Variants in SPON1 observed in about 807,000 individuals in gnomAD.
The protein encoded by SPON1 is spondin 1.
SPON1 carries 52 observed loss-of-function variants against 111.7 expected under a neutral mutation model. The observed-to-expected ratio is 0.47, with a 90% CI of 0.37 to 0.59. SPON1 has a LOEUF of 0.59. SPON1 is among the 20% of genes least tolerant of loss of function. The pLI, the probability that SPON1 is intolerant of heterozygous loss-of-function variation, is 0.00. For synonymous variants in SPON1, 410 were observed against 395.8 expected, an observed-to-expected ratio of 1.04 and a Z score of -0.43; for missense variants, 957 against 1,068.5, an observed-to-expected ratio of 0.90 and a Z score of 1.46.
chr11:14,258,655 C>T (rs563471565), intron 11 of SPON1, among the ~76,000 whole-genome samples: 3 of 152,376 alleles, frequency 2.0e-5, no homozygotes, highest in South Asian at 4.1e-4. Flanking sequence ...TTATCCCATG[C>T]AGGTCATTAA....
rs1848956748 is a variant in SPON1, at chr11:14,243,778, T to A, written c.890+382T>A. On this transcript the variant is annotated intron_variant, in intron 7 of 15. Transcript: ENST00000576479. ...GATGTGTGGAAAGCCAGATTTACCC[T>A]GGGTTCCATTCTCAGTCCCGTTTCT... 1.3e-5 allele frequency among the ~76,000 whole-genome samples: 2 copies of A among 152,204 alleles called. 1 individual carries two copies. The highest frequency in any genetic ancestry group is 4.1e-4 in the South Asian group (2 of 4,830).
intron 1 of SPON1, among the ~76,000 whole-genome samples, chr11:13,977,820 G>C (rs1211899055): frequency 6.6e-6 from 1 of 152,056 alleles, no homozygotes; most frequent in Non-Finnish European, 1.5e-5. Context: ...ACATTTAGCT[G>C]TACAATCTAT....
At chr11:14,085,102 C>CGCTGTGATGCTAGTTTCTTTT (rs1322430471) in intron 5 of SPON1, among the ~76,000 whole-genome samples, 3 of 152,052 alleles carry the variant, frequency 2.0e-5, no homozygotes, top group African/African-American at 7.2e-5. Context: ...GTTGCCTGTT[C>CGCTGTGATGCTAGTTTCTTTT]GCTGTGATGC....
chr11:14,258,006 AG>A, intron 11 of SPON1, 108 bp downstream of exon 11: 7 of 1,082,238 alleles, frequency 6.5e-6, no homozygotes, highest in Non-Finnish European at 8.9e-6. Context: ...CCCTGACAGT[AG>A]ATGTCAGTGG....
intron 3 of SPON1, among the ~76,000 whole-genome samples, chr11:14,052,497 C>G (rs575284639): frequency 9.8e-5 from 15 of 152,288 alleles, no homozygotes; most frequent in African/African-American, 3.1e-4. Context: ...TTCAGGCAGC[C>G]TAGAACCTCA....
intron 5 of SPON1, among the ~76,000 whole-genome samples, chr11:14,085,469 G>A (rs1273696961): frequency 2.0e-5 from 3 of 152,010 alleles, no homozygotes; most frequent in Non-Finnish European, 4.4e-5. Flanking sequence ...GATGTGTGGT[G>A]TTATTTCTGA....
chr11:14,086,092 C>CA (rs1256291207), intron 5 of SPON1, among the ~76,000 whole-genome samples: 1 of 152,120 alleles, frequency 6.6e-6, no homozygotes, highest in Non-Finnish European at 1.5e-5. Flanking sequence ...CATCTGCAAA[C>CA]AGAGACAATT....
intron 1 of SPON1, among the ~76,000 whole-genome samples, chr11:13,971,950 A>G (rs1022733151): frequency 2.0e-5 from 3 of 152,166 alleles, no homozygotes; most frequent in East Asian, 3.9e-4. Context: ...AAGTCTGCCT[A>G]CCATGTAACT....
In SPON1 at chr11:14,267,712, A is replaced by C. The variant is rs1313709158; in HGVS notation, c.*2025A>C. 5 of 152,226 alleles carry C rather than the reference A, an allele frequency of 3.3e-5. No homozygotes were observed. The highest frequency in any genetic ancestry group is 7.2e-5 in the African/African-American group (3 of 41,454). 9.4% of individuals were successfully genotyped at this position (152,226 alleles called of 1,614,324 possible). ...TTGTTTGCAATGGGGAATTTATAAGAAGCATCAAGTCTCTTTCTTACCAAA... is the reference window on the plus strand; with the variant it reads ...TTGTTTGCAATGGGGAATTTATAAGCAGCATCAAGTCTCTTTCTTACCAAA... On this transcript the variant is annotated 3_prime_UTR_variant, in exon 16 of 16. Transcript: ENST00000576479.
chr11:14,019,636 A>G (rs1369476614), intron 2 of SPON1, among the ~76,000 whole-genome samples: 1 of 152,124 alleles, frequency 6.6e-6, no homozygotes, highest in Non-Finnish European at 1.5e-5. Flanking sequence ...GGCTTTTATC[A>G]TGGGTTCTTT....
At chr11:14,060,994 G>A (rs566446712) in intron 3 of SPON1, among the ~76,000 whole-genome samples, 40 of 151,926 alleles carry the variant, frequency 2.6e-4, no homozygotes, top group Non-Finnish European at 3.4e-4. Flanking sequence ...AGTGACACAA[G>A]GTTTAAAGGA....
intron 1 of SPON1, among the ~76,000 whole-genome samples, chr11:13,972,857 A>G (rs1368648541): frequency 2.0e-5 from 3 of 152,196 alleles, no homozygotes; most frequent in East Asian, 1.9e-4. Context: ...AAGGGAATGC[A>G]CTGATTCCCA....
At chr11:14,144,568 T>G (rs560498164) in intron 6 of SPON1, among the ~76,000 whole-genome samples, 5 of 151,702 alleles carry the variant, frequency 3.3e-5, no homozygotes, top group African/African-American at 1.2e-4. Flanking sequence ...AGGCAGAGGT[T>G]GCAGTGAGCT....
chr11:13,972,762 A>G (rs1391032764), intron 1 of SPON1, among the ~76,000 whole-genome samples: 2 of 152,156 alleles, frequency 1.3e-5, no homozygotes, highest in African/African-American at 4.8e-5. Flanking sequence ...GTTTAGGCAG[A>G]GTGTTTTCTT....
At chr11:13,971,879 C>T (rs1170542813) in intron 1 of SPON1, among the ~76,000 whole-genome samples, 3 of 152,148 alleles carry the variant, frequency 2.0e-5, no homozygotes, top group African/African-American at 7.2e-5. Context: ...CTTAGGTGGC[C>T]ACAATCACAG....
chr11:14,257,681 G>C, intron 10 of SPON1, 35 bp from the exon 11 acceptor site: 1 of 1,560,872 alleles, frequency 6.4e-7, no homozygotes, highest in Non-Finnish European at 8.7e-7. Flanking sequence ...GCTCCCATAG[G>C]TTCCCAGGGA....
chr11:14,127,327 A>T (rs1316013293), intron 5 of SPON1, among the ~76,000 whole-genome samples: 5 of 146,326 alleles, frequency 3.4e-5, no homozygotes, highest in African/African-American at 7.5e-5. Flanking sequence ...ACCCAGTTTT[A>T]ACTACTTTAC....
chr11:14,187,538 G>A (rs1353188771), intron 6 of SPON1, among the ~76,000 whole-genome samples: 1 of 152,062 alleles, frequency 6.6e-6, no homozygotes, highest in African/African-American at 2.4e-5. Context: ...CAAATCCTTG[G>A]GTAGCAAGGA....
intron 2 of SPON1, among the ~76,000 whole-genome samples, chr11:14,006,616 T>C (rs566198368): frequency 6.6e-6 from 1 of 152,210 alleles, no homozygotes; most frequent in East Asian, 1.9e-4. Flanking sequence ...CCCTCTGCTG[T>C]CTCCTCATCC....
Sources: allele counts gnomAD v4.1 joint callset (sites outside exome capture counted in the v4.1 genomes callset), GRCh38; gene constraint gnomAD v4.1.1; transcripts MANE v1.5; gene names NCBI Gene and HGNC (gene_info 2026-07-23, HGNC 2026-07-21).